NLRP5: variants seen among roughly 807,000 people sequenced by gnomAD.
The protein encoded by NLRP5 is NACHT, LRR and PYD domains-containing protein 5.
In NLRP5, 93 loss-of-function variants were observed where a neutral mutation model predicts 113.1. The observed-to-expected ratio is 0.82, with a 90% confidence interval of 0.70 to 0.98. The LOEUF (loss-of-function observed/expected upper bound fraction) is 0.98. NLRP5 is among the 50% of genes least tolerant of loss of function. NLRP5 has a pLI of 0.00. For synonymous variants in NLRP5, 751 were observed against 600.7 expected, an observed-to-expected ratio of 1.25 and a Z score of -3.66; for missense variants, 1,808 against 1,514.3, an observed-to-expected ratio of 1.19 and a Z score of -3.22.
At chr19:56,029,906 T>G (rs1483099476) in intron 7 of NLRP5, among the ~76,000 whole-genome samples, 1 of 148,950 alleles carries the variant, frequency 6.7e-6, no homozygotes, top group Non-Finnish European at 1.5e-5. Context: ...AATACAAAAA[T>G]TAGCCAGGCA....
intron 2 of NLRP5, among the ~76,000 whole-genome samples, chr19:56,008,290 A>G (rs73068129): frequency 0.036 from 5,434 of 152,112 alleles, 120 homozygotes; most frequent in Admixed American, 0.06. Flanking sequence ...GTGATCCCCA[A>G]GTTTCTGGCA....
chr19:56,032,293 C>T (rs567130572), intron 7 of NLRP5, among the ~76,000 whole-genome samples: 4 of 150,856 alleles, frequency 2.7e-5, no homozygotes, highest in South Asian at 2.1e-4. Flanking sequence ...TGCAGTGAGC[C>T]GAGATTGCGC....
chr19:56,058,615 T>C, intron 14 of NLRP5, among the ~76,000 whole-genome samples: 1 of 152,206 alleles, frequency 6.6e-6, no homozygotes, highest in East Asian at 1.9e-4. Flanking sequence ...AGGTGCCTGA[T>C]ATCATGGAGT....
chr19:56,049,239 G>C (rs1051281300), intron 11 of NLRP5, among the ~76,000 whole-genome samples: 10 of 151,612 alleles, frequency 6.6e-5, no homozygotes, highest in Non-Finnish European at 1.5e-4. Context: ...GAGTGCAATG[G>C]TGCAATCTCA....
chr19:56,044,711 T>C (rs1983658852), intron 11 of NLRP5, among the ~76,000 whole-genome samples: 1 of 152,194 alleles, frequency 6.6e-6, no homozygotes, highest in Non-Finnish European at 1.5e-5. Flanking sequence ...TTTGGTTCCA[T>C]TTGAATTTTA....
chr19:56,048,979 A>ATTT (rs60229740), intron 11 of NLRP5, among the ~76,000 whole-genome samples: 19,156 of 94,006 alleles, frequency 0.2, 2,427 homozygotes, highest in Non-Finnish European at 0.26. Context: ...TTTTTTTTTA[A>ATTT]TTTTTTTTTT....
intron 11 of NLRP5, among the ~76,000 whole-genome samples, chr19:56,044,767 A>T (rs1983660918): frequency 6.6e-6 from 1 of 151,884 alleles, no homozygotes; most frequent in African/African-American, 2.4e-5. Flanking sequence ...TTTGATGGGG[A>T]TTGCGTTGAA....
At chr19:55,987,933 C>T in the NLRP5 span, 1 of 1,571,244 alleles carries the variant, frequency 6.4e-7, no homozygotes, top group South Asian at 1.1e-5. Context: ...TCATCTTTCT[C>T]TGGGGCTTGA....
At chr19:55,995,133 C>T (rs1353690413), upstream of NLRP5, among the ~76,000 whole-genome samples, 1 of 152,108 alleles carries the variant, frequency 6.6e-6, no homozygotes, top group East Asian at 1.9e-4. Context: ...ACCACATGTT[C>T]TCACTCATAG....
At chr19:56,046,672 C>T (rs1983739601) in intron 11 of NLRP5, among the ~76,000 whole-genome samples, 1 of 151,988 alleles carries the variant, frequency 6.6e-6, no homozygotes, top group African/African-American at 2.4e-5. Context: ...TCCCTAGTAG[C>T]TGGGACTACA....
chr19:56,049,636 A>G (rs767114254), intron 11 of NLRP5, among the ~76,000 whole-genome samples: 13 of 152,090 alleles, frequency 8.5e-5, no homozygotes, highest in African/African-American at 2.4e-4. Flanking sequence ...TACTTGTTCA[A>G]TTCTATTGCT....
Position 56,033,641 on chromosome 19 carries a change from G to C in NLRP5, c.2547G>C (p.Leu849=). 1.2e-6 allele frequency: 2 copies of C among 1,613,966 alleles called. No homozygotes were observed. Among genetic ancestry groups the C allele is most frequent in the Non-Finnish European group, 1.7e-6 (2 of 1,179,838 alleles). Residue 849 remains leucine (L), a synonymous_variant, in exon 9 of 15, where the codon CTG becomes CTC. Transcript: ENST00000390649. ...CCCTCAACTTGGGAGGCACCCACCT[G>C]AAGGAAGAGGATGTAAGGATGGCGT...
chr19:55,987,017 A>C, the NLRP5 span, among the ~76,000 whole-genome samples: 1 of 152,138 alleles, frequency 6.6e-6, no homozygotes, highest in African/African-American at 2.4e-5. Flanking sequence ...CTAAAACCTC[A>C]TATTTACTTG....
At chr19:56,012,292 G>T (rs893875375) in intron 3 of NLRP5, among the ~76,000 whole-genome samples, 1 of 152,008 alleles carries the variant, frequency 6.6e-6, no homozygotes, top group East Asian at 1.9e-4. Context: ...GGGACTATAG[G>T]CACCTGCCAC....
intron 11 of NLRP5, 123 bp downstream of exon 11, chr19:56,041,215 T>C (rs1983511181): frequency 1.2e-6 from 1 of 868,200 alleles, no homozygotes; most frequent in Non-Finnish European, 1.8e-6. Context: ...ACCTGGTATA[T>C]GCTGAATTCT....
intron 9 of NLRP5, among the ~76,000 whole-genome samples, chr19:56,035,062 C>T (rs181136697): frequency 1.3e-5 from 2 of 152,166 alleles, no homozygotes; most frequent in Admixed American, 1.3e-4. Flanking sequence ...CCTCAGCCTC[C>T]CAAGTAGCTG....
intron 1 of NLRP5, among the ~76,000 whole-genome samples, chr19:56,002,250 G>C (rs1253523665): frequency 6.6e-6 from 1 of 152,092 alleles, no homozygotes; most frequent in Non-Finnish European, 1.5e-5. Flanking sequence ...TATTAAATTG[G>C]ATCGTCTCCC....
chr19:56,043,542 CTTTTT>C (rs369622191), intron 11 of NLRP5, among the ~76,000 whole-genome samples: 3 of 92,956 alleles, frequency 3.2e-5, no homozygotes, highest in East Asian at 4.7e-4. Flanking sequence ...CTCTGCTATT[CTTTTT>C]TTTTTTTTTT....
In NLRP5 at chr19:56,060,351, A is replaced by G. The variant is rs574684719; in HGVS notation, c.3471-1045A>G. On this transcript the variant is annotated intron_variant, in intron 14 of 14. Coordinates refer to ENST00000390649, the MANE Select transcript of NLRP5 (RefSeq NM_153447.4). ...TAAGGGTGGGAAATTTGCCTTGTCC[A>G]TCCCTATATGAGAAGTCCTCATTTA... 1.3e-4 allele frequency among the ~76,000 whole-genome samples: 20 copies of G among 152,306 alleles called. No individual in the cohort carries two copies. In the South Asian group the frequency reaches 3.7e-3, roughly 28 times the overall value.
Sources: gnomAD v4.1 joint callset for allele counts (sites outside exome capture counted in the v4.1 genomes callset) on GRCh38, gnomAD v4.1.1 for gene constraint, MANE v1.5 for transcripts, NCBI Gene and HGNC (gene_info 2026-07-23, HGNC 2026-07-21) for gene names.